The following FAM72A variants were observed in gnomAD, a reference collection of about 807,000 sequenced individuals.
The protein encoded by FAM72A is protein FAM72A.
FAM72A carries 1 observed loss-of-function variant against 11.3 expected under a neutral mutation model. The ratio of observed to expected loss-of-function variants is 0.09; its 90% CI spans 0.03 to 0.42. The LOEUF (loss-of-function observed/expected upper bound fraction) is 0.42. Ranked by LOEUF, FAM72A falls within the 10% of genes least tolerant of loss-of-function variation. The pLI, the probability that FAM72A is intolerant of heterozygous loss-of-function variation, is 0.98. For missense variants in FAM72A, 15 were observed against 135.5 expected (o/e 0.11, Z 4.41); for synonymous variants, 5 against 46.9 (o/e 0.11, Z 3.65).
rs376030453 is a variant in FAM72A at position 206,196,092 on chromosome 1, CTATTAT to C, written c.231-222_231-217del. The stretch of plus-strand genomic sequence containing the variant: ...AGTAAAATATTCTCACATTTCTTTG[CTATTAT>C]TATTATTATTATTATTATTATTGAG... On this transcript the variant is annotated intron_variant, in intron 2 of 3. Coordinates refer to ENST00000367128, the MANE Select transcript of FAM72A (RefSeq NM_001123168.3). 3.1e-3 allele frequency among the ~76,000 whole-genome samples: 452 copies of C among 143,936 alleles called. 3 individuals carry two copies. Among genetic ancestry groups the C allele is most frequent in the Admixed American group, 7.7e-3 (111 of 14,450 alleles). 94.4% of individuals were successfully genotyped at this position (143,936 alleles called of 152,430 possible). A position where few individuals can be genotyped will look rare whatever the true frequency, so the allele number is the denominator to read the frequency against.
intron 2 of FAM72A, among the ~76,000 whole-genome samples, chr1:206,198,907 TAAA>T (rs544163968): frequency 3.1e-5 from 2 of 63,702 alleles, no homozygotes; most frequent in African/African-American, 5.9e-5. Context: ...CTGTCTCTAC[TAAA>T]AAAAAAAAAA....
intron 2 of FAM72A, among the ~76,000 whole-genome samples, chr1:206,198,278 C>T (rs1411341507): frequency 5.3e-5 from 8 of 149,650 alleles, no homozygotes; most frequent in Non-Finnish European, 1.2e-4. Flanking sequence ...GCAGGAGATT[C>T]GCTTGAACCT....
chr1:206,196,971 C>A (rs1665097054), intron 2 of FAM72A, among the ~76,000 whole-genome samples: 1 of 144,782 alleles, frequency 6.9e-6, no homozygotes, highest in Non-Finnish European at 1.5e-5. Flanking sequence ...TTTATGAGAC[C>A]CAATAAAGAT....
At chr1:206,204,118 ACCCCCCGGCCCGCCCCGATG>A (rs1461375368), upstream of FAM72A, 26 of 485,546 alleles carry the variant, frequency 5.4e-5, no homozygotes, top group Non-Finnish European at 8.9e-5. Context: ...CCCGAGTCCC[ACCCCCCGGCCCGCCCCGATG>A]GACTTCTCTT....
At chr1:206,198,202 A>G (rs1665171085) in intron 2 of FAM72A, among the ~76,000 whole-genome samples, 1 of 145,802 alleles carries the variant, frequency 6.9e-6, no homozygotes, top group Non-Finnish European at 1.5e-5. Flanking sequence ...TGTCTCTACT[A>G]AAATATGAAA....
upstream of FAM72A, chr1:206,204,918 C>CA (rs1553300740): frequency 3.5e-4 from 50 of 141,114 alleles, 1 homozygote; most frequent in African/African-American, 1.2e-3. Context: ...CCCCCCCCCC[C>CA]ATCAACATTT....
chr1:206,201,432 C>A (rs1388802086), intron 1 of FAM72A: 1 of 133,870 alleles, frequency 7.5e-6, no homozygotes, highest in African/African-American at 2.9e-5. Flanking sequence ...TTTAGGATGC[C>A]AATTGCAAAT....
At chr1:206,203,129 T>C (rs1418272394), upstream of FAM72A, 3 of 188,612 alleles carry the variant, frequency 1.6e-5, no homozygotes, top group African/African-American at 7.0e-5. Flanking sequence ...CTAGTGAAAG[T>C]GGCAAGGCAC....
At chr1:206,199,783 A>AT (rs782455550) in intron 2 of FAM72A, 24 bp downstream of exon 2, 1 of 593,448 alleles carries the variant, frequency 1.7e-6, no homozygotes, top group Non-Finnish European at 3.0e-6. Flanking sequence ...ACCCAGAGCT[A>AT]TCCAGAATAG....
upstream of FAM72A, chr1:206,202,842 T>C (rs1289266256): frequency 2.6e-5 from 3 of 114,352 alleles, no homozygotes; most frequent in Admixed American, 9.2e-5. Flanking sequence ...CCGAACACGT[T>C]GGTTTTCGCT....
At chr1:206,197,135 G>A (rs1553298422) in intron 2 of FAM72A, among the ~76,000 whole-genome samples, 3 of 151,704 alleles carry the variant, frequency 2.0e-5, no homozygotes, top group Non-Finnish European at 4.4e-5. Context: ...TTTAATTACC[G>A]CCTATATTCA....
At chr1:206,192,897 T>TTTTTC (rs781873689) in intron 3 of FAM72A, among the ~76,000 whole-genome samples, 43 of 151,338 alleles carry the variant, frequency 2.8e-4, no homozygotes, top group East Asian at 9.7e-4. Flanking sequence ...AAACAACAGA[T>TTTTTC]TTTTCTTTTC....
At chr1:206,203,772 C>T (rs1389274057), upstream of FAM72A, 7 of 1,507,142 alleles carry the variant, frequency 4.6e-6, no homozygotes, top group Admixed American at 4.1e-5. Flanking sequence ...ATCGCCTTAG[C>T]GGTGCCGCCC....
At chr1:206,205,062 CG>C (rs1260852277), upstream of FAM72A, 1 of 151,950 alleles carries the variant, frequency 6.6e-6, no homozygotes, top group Non-Finnish European at 1.5e-5. Context: ...GTGCCCCGGC[CG>C]GGGGTCTGGG....
At chr1:206,204,909 C>G (rs1330713225), upstream of FAM72A, 4 of 129,142 alleles carry the variant, frequency 3.1e-5, no homozygotes, top group Non-Finnish European at 4.8e-5. Flanking sequence ...GCAGATTTGC[C>G]CCCCCCCCCA....
chr1:206,191,367 C>T, intron 3 of FAM72A, among the ~76,000 whole-genome samples: 1 of 124,216 alleles, frequency 8.1e-6, no homozygotes, highest in Non-Finnish European at 1.6e-5. Flanking sequence ...CCATGTAATC[C>T]CAGCACTTTG....
At chr1:206,203,507 GGCGGGGTCCT>G (rs2102406591), upstream of FAM72A, 1 of 482,570 alleles carries the variant, frequency 2.1e-6, no homozygotes, top group East Asian at 3.2e-5. Flanking sequence ...TCTACTTCCC[GGCGGGGTCCT>G]GCGGAGTTGG....
rs190686483 is a variant in FAM72A, at chr1:206,187,438, C to T, written c.356-65G>A. The T allele has an allele frequency of 8.4e-4, 1,326 of 1,570,396 alleles. 14 individuals are homozygous for T. In the East Asian group the frequency reaches 0.013, roughly 16 times the overall value. On this transcript the variant is annotated intron_variant, in intron 3 of 3. Transcript: ENST00000367128. ...CTGTTATAACTCAGAACACGAATTACGAAACTTTATATGTTAATATTCTTA... is the reference window on the plus strand; with the variant it reads ...CTGTTATAACTCAGAACACGAATTATGAAACTTTATATGTTAATATTCTTA...
intron 3 of FAM72A, among the ~76,000 whole-genome samples, chr1:206,191,576 C>G (rs1664794556): frequency 6.8e-6 from 1 of 146,624 alleles, no homozygotes; most frequent in Admixed American, 6.9e-5. Context: ...GACACCATTG[C>G]ACATCAGCCT....
Sources: allele counts gnomAD v4.1 joint callset (sites outside exome capture counted in the v4.1 genomes callset), GRCh38; gene constraint gnomAD v4.1.1; transcripts MANE v1.5; gene names NCBI Gene and HGNC (gene_info 2026-07-23, HGNC 2026-07-21).